UTP6: variants seen among roughly 807,000 people sequenced by gnomAD.
The protein encoded by UTP6 is U3 small nucleolar RNA-associated protein 6 homolog.
A neutral mutation model predicts 96.5 loss-of-function variants in UTP6; 60 were observed. The observed-to-expected ratio is 0.62, with a 90% CI of 0.51 to 0.77. The LOEUF is 0.77. UTP6 is among the 30% of genes least tolerant of loss of function. The pLI is 0.00. For synonymous variants in UTP6, 215 were observed against 240.1 expected (o/e 0.90, Z 0.96); for missense variants, 637 against 706.5 (o/e 0.90, Z 1.12).
intron 12 of UTP6, 132 bp downstream of exon 12, chr17:31,878,570 C>T: frequency 1.1e-6 from 1 of 923,842 alleles, no homozygotes; most frequent in East Asian, 2.5e-5. Context: ...TCACGTCACC[C>T]ACAAGGAGAG....
At chr17:31,869,757 C>T (rs1910046281) in intron 16 of UTP6, among the ~76,000 whole-genome samples, 1 of 152,190 alleles carries the variant, frequency 6.6e-6, no homozygotes. Flanking sequence ...TTGGGATAGA[C>T]TGACCCTGTT....
Position 31,894,270 on chromosome 17 carries a change from AAAAAAAAAAAAAAAG to A in UTP6, c.312+360_312+374del, listed in dbSNP as rs1904507633. ...GGCAACACAGTGAGACCTTATCTCA[AAAAAAAAAAAAAAAG>A]AAAAAAAAAAAAATCAAGTTTCTGA... On this transcript the variant is annotated intron_variant, in intron 4 of 18. Transcript: ENST00000261708. Among the ~76,000 whole-genome samples the A allele has an allele frequency of 3.0e-5, 4 of 135,130 alleles. No homozygotes were observed. The South Asian group carries it at 9.0e-4, about 30-fold the overall frequency. 88.7% of individuals were successfully genotyped at this position (135,130 alleles called of 152,430 possible).
intron 6 of UTP6, among the ~76,000 whole-genome samples, chr17:31,890,562 G>A (rs1911429673): frequency 6.6e-6 from 1 of 151,772 alleles, no homozygotes; most frequent in South Asian, 2.1e-4. Context: ...AGGTTGCAGT[G>A]AGCTGAGATC....
At chr17:31,900,746 A>C (rs1257089762) in intron 1 of UTP6, among the ~76,000 whole-genome samples, 2 of 152,216 alleles carry the variant, frequency 1.3e-5, no homozygotes, top group African/African-American at 4.8e-5. Flanking sequence ...ACTACGAAGG[A>C]CTTACGGGAG....
intron 1 of UTP6, among the ~76,000 whole-genome samples, chr17:31,900,098 C>T (rs1598124444): frequency 6.6e-6 from 1 of 151,816 alleles, no homozygotes; most frequent in African/African-American, 2.4e-5. Flanking sequence ...AAGCCGAGAT[C>T]GCGCCACTGC....
At chr17:31,865,880 C>G (rs764837128) in intron 17 of UTP6, among the ~76,000 whole-genome samples, 19 of 152,052 alleles carry the variant, frequency 1.2e-4, no homozygotes, top group Non-Finnish European at 2.1e-4. Flanking sequence ...AGTTTTTGAA[C>G]CCTTTGACCT....
chr17:31,885,239 G>A (rs1487076672), intron 9 of UTP6, among the ~76,000 whole-genome samples: 3 of 151,848 alleles, frequency 2.0e-5, no homozygotes, highest in Non-Finnish European at 4.4e-5. Context: ...CCACCTCCCG[G>A]GTTCAAGCAA....
At chr17:31,900,076 G>A (rs879390667) in intron 1 of UTP6, among the ~76,000 whole-genome samples, 15 of 151,886 alleles carry the variant, frequency 9.9e-5, no homozygotes, top group African/African-American at 3.4e-4. Context: ...CCTGGAAGGC[G>A]GAGGTTGCAG....
rs750881562 is a variant in UTP6, at chr17:31,892,239, T to A, written c.424+21A>T. On this transcript the variant is annotated intron_variant, in intron 6 of 18. Transcript: ENST00000261708. ...TGAGTCTAAATAAAACATAGAAAAA[T>A]TGACAAAGATTTCACCATACCTGGT... The A allele has an allele frequency of 2.5e-5, 41 of 1,612,774 alleles. No individual in the cohort carries two copies. The East Asian group carries it at 9.1e-4, about 36-fold the overall frequency.
At position 31,877,724 on chromosome 17, in the gene UTP6, T is replaced by C. The variant is rs550864861; in HGVS notation, c.1125+526A>G. On this transcript the variant is annotated intron_variant, in intron 13 of 18. Coordinates refer to ENST00000261708, the MANE Select transcript of UTP6 (RefSeq NM_018428.3). ...GGCTCATGCCTTAGTCCCAGCACTT[T>C]GGGAGGCCGAGGCAGGGGGATCACT... is the stretch of plus-strand genomic sequence containing the variant. Among the ~76,000 whole-genome samples the C allele has an allele frequency of 3.0e-4, 46 of 152,180 alleles. 1 individual carries two copies. The highest frequency in any genetic ancestry group is 1.0e-3 in the African/African-American group (43 of 41,524).
rs1567791781 is a variant in UTP6, at chr17:31,892,442, GC to G, written c.361-120del. ...ATCCAATGGAGCATGACATGCTATT[GC>G]TAGGGATATATAAACGAACACAGAC... On this transcript the variant is annotated intron_variant, in intron 5 of 18. Transcript: ENST00000261708. 2.9e-6 allele frequency: 3 copies of G among 1,039,754 alleles called. No homozygotes were observed. In the African/African-American group the frequency reaches 4.8e-5, roughly 17 times the overall value. 64.4% of individuals were successfully genotyped at this position (1,039,754 alleles called of 1,614,324 possible).
At chr17:31,875,077 G>A (rs1239349798) in intron 14 of UTP6, among the ~76,000 whole-genome samples, 157 bp downstream of exon 14, 1 of 152,088 alleles carries the variant, frequency 6.6e-6, no homozygotes, top group African/African-American at 2.4e-5. Context: ...TTAAATAGAA[G>A]CAAATTCTTC....
intron 2 of UTP6, among the ~76,000 whole-genome samples, chr17:31,896,530 A>ATATATGTGTATATGTAGTT (rs1205286460): frequency 6.6e-6 from 1 of 152,014 alleles, no homozygotes. Flanking sequence ...TTCTCGATTT[A>ATATATGTGTATATGTAGTT]CAGTTCTTTA....
rs77633877 is a variant in UTP6, at chr17:31,879,333, T to C, written c.968-552A>G. Among the ~76,000 whole-genome samples the C allele has an allele frequency of 6.0e-3, 909 of 152,112 alleles. 6 individuals are homozygous for C. The highest frequency in any genetic ancestry group is 0.021 in the African/African-American group (852 of 41,504). ...TAAACCTGGGAGGAAGAGGTTGTAG[T>C]AACCCGAGATCGTGTCACTGTACTC... On this transcript the variant is annotated intron_variant, in intron 11 of 18. Transcript: ENST00000261708.
At chr17:31,889,257 G>A in intron 7 of UTP6, 28 bp downstream of exon 7, 1 of 1,543,484 alleles carries the variant, frequency 6.5e-7, no homozygotes, top group Non-Finnish European at 8.9e-7. Context: ...AAACATCACT[G>A]TCTCATCCTA....
chr17:31,882,735 G>C lies in UTP6; in HGVS notation c.785+1689C>G, dbSNP rs192853038. On this transcript the variant is annotated intron_variant, in intron 10 of 18. Coordinates refer to ENST00000261708, the MANE Select transcript of UTP6 (RefSeq NM_018428.3). ...AAGTTCCATTTCCCCTCCTGTCAAA[G>C]GAAGAGGTGTTACCAAAAAACGGAA... Among the ~76,000 whole-genome samples, 601 of 152,276 alleles carry C rather than the reference G, an allele frequency of 3.9e-3. 4 individuals carry two copies. The highest frequency in any genetic ancestry group is 0.014 in the African/African-American group (565 of 41,548).
chr17:31,885,325 A>G (rs1037002308), intron 9 of UTP6, among the ~76,000 whole-genome samples: 1 of 151,230 alleles, frequency 6.6e-6, no homozygotes, highest in Non-Finnish European at 1.5e-5. Context: ...TTGTATTTTT[A>G]GTAGAAATGG....
chr17:31,892,944 G>A lies in UTP6; in HGVS notation c.313-150C>T, dbSNP rs138028400. The A allele has an allele frequency of 2.5e-3, 2,218 of 870,666 alleles. 10 individuals carry two copies. Among genetic ancestry groups the A allele is most frequent in the South Asian group, 8.9e-3 (549 of 61,722 alleles). 53.9% of individuals were successfully genotyped at this position (870,666 alleles called of 1,614,324 possible). A position where few individuals can be genotyped will look rare whatever the true frequency, so the allele number is the denominator to read the frequency against. ...TCCCACCACTTTGTGAAGCCGAAGC[G>A]GGCGGATCACTTGAGGTCAGGAGAT... On this transcript the variant is annotated intron_variant, in intron 4 of 18. Transcript: ENST00000261708.
chr17:31,892,008 G>A (rs528123687), intron 6 of UTP6: 13 of 441,220 alleles, frequency 2.9e-5, no homozygotes, highest in African/African-American at 2.6e-4. Flanking sequence ...GGGCGACAGA[G>A]CGAGACTCCG....
Sources: gnomAD v4.1 joint callset for allele counts (sites outside exome capture counted in the v4.1 genomes callset) on GRCh38, gnomAD v4.1.1 for gene constraint, MANE v1.5 for transcripts, NCBI Gene and HGNC (gene_info 2026-07-23, HGNC 2026-07-21) for gene names.